SYN2: variants seen among roughly 807,000 people sequenced by gnomAD.
The protein encoded by SYN2 is synapsin-2.
A neutral mutation model predicts 50.9 loss-of-function variants in SYN2; 19 were observed. The observed-to-expected ratio is 0.37, with a 90% CI of 0.26 to 0.55. The LOEUF (loss-of-function observed/expected upper bound fraction) is 0.55. Ranked by LOEUF, SYN2 falls within the 20% of genes least tolerant of loss-of-function variation. SYN2 has a pLI of 0.81. For missense variants in SYN2, 587 were observed against 576.4 expected (o/e 1.02, Z -0.19); for synonymous variants, 255 against 224.9 (o/e 1.13, Z -1.20).
chr3:12,153,511 C>T, intron 5 of SYN2: 1 of 1,612,952 alleles, frequency 6.2e-7, no homozygotes, highest in Non-Finnish European at 8.5e-7. Context: ...GTCACTGGTC[C>T]CTACTAGGGC....
rs75599326 is a variant in SYN2, at chr3:12,190,546, C to G, written c.1670C>G (p.Ser557Cys). ...TTCTCTGAGTCCTCCTTCTTCCGGT[C>G]TTCAGCCAATGAGGATGAAGCCAAA... is the stretch of plus-strand genomic sequence containing the variant. Reference protein sequence around the residue: ...FSFSESSFFRSSANEDEAKAE... With the variant: ...FSFSESSFFRCSANEDEAKAE... Residue 557 changes from serine (S) to cysteine (C), a missense_variant, in exon 13 of 13, where the codon TCT (serine) becomes TGT (cysteine). Ser to Cys is a moderately radical substitution (Grantham distance 112). Coordinates refer to ENST00000621198, the MANE Select transcript of SYN2 (RefSeq NM_133625.6). 3.2e-5 allele frequency: 51 copies of G among 1,613,596 alleles called. No individual in the cohort carries two copies. The African/African-American group carries it at 6.7e-4, about 21-fold the overall frequency.
Position 12,161,526 on chromosome 3 carries a change from C to A in SYN2, c.775-20C>A. On this transcript the variant is annotated intron_variant, in intron 5 of 12. Transcript: ENST00000621198. The stretch of plus-strand genomic sequence containing the variant: ...GATGGGCACACTCTGACAGTTTATT[C>A]ATTTCTCTTCTGATTTCAGCTGACA... The A allele has an allele frequency of 6.2e-7, 1 of 1,613,796 alleles. No homozygotes were observed. The highest frequency in any genetic ancestry group is 8.5e-7 in the Non-Finnish European group (1 of 1,179,774).
intron 5 of SYN2, chr3:12,154,470 G>T (rs373444757): frequency 8.1e-5 from 130 of 1,613,574 alleles, no homozygotes; most frequent in Non-Finnish European, 1.1e-4. Flanking sequence ...GGAGATGGAG[G>T]AGAGTCAAGC....
At chr3:12,147,255 T>C (rs1697173710) in intron 4 of SYN2, among the ~76,000 whole-genome samples, 1 of 152,206 alleles carries the variant, frequency 6.6e-6, no homozygotes, top group Admixed American at 6.5e-5. Context: ...TCACTTCTGA[T>C]CTTGATCTTT....
At chr3:12,020,101 T>A (rs536841321) in intron 1 of SYN2, among the ~76,000 whole-genome samples, 1 of 152,350 alleles carries the variant, frequency 6.6e-6, no homozygotes, top group East Asian at 1.9e-4. Context: ...CTTATAATAC[T>A]TCTATGACTT....
chr3:12,154,390 C>T (rs1237440174), intron 5 of SYN2: 4 of 1,614,190 alleles, frequency 2.5e-6, no homozygotes, highest in African/African-American at 1.3e-5. Flanking sequence ...AGGACAGGTC[C>T]TCCCAGGGCT....
At chr3:12,018,384 C>T (rs1183646459) in intron 1 of SYN2, among the ~76,000 whole-genome samples, 9 of 152,146 alleles carry the variant, frequency 5.9e-5, no homozygotes, top group Admixed American at 2.0e-4. Context: ...GGATAAGCAG[C>T]GTGACTTTGG....
intron 1 of SYN2, among the ~76,000 whole-genome samples, chr3:12,033,255 C>G (rs539652014): frequency 1.3e-5 from 2 of 152,116 alleles, no homozygotes; most frequent in African/African-American, 4.8e-5. Context: ...TCTCCAGCTG[C>G]GTGCTGGGAG....
chr3:12,137,443 T>C (rs1478648103), intron 1 of SYN2, among the ~76,000 whole-genome samples: 1 of 152,214 alleles, frequency 6.6e-6, no homozygotes, highest in Non-Finnish European at 1.5e-5. Context: ...CTGTTCCTTG[T>C]ACCAGCACTT....
chr3:12,064,257 C>T (rs1163347444), intron 1 of SYN2, among the ~76,000 whole-genome samples: 1 of 151,994 alleles, frequency 6.6e-6, no homozygotes, highest in East Asian at 1.9e-4. Flanking sequence ...GTCTGAGAAA[C>T]TGTCAAGAGG....
chr3:12,107,442 T>G (rs1274546086), intron 1 of SYN2, among the ~76,000 whole-genome samples: 1 of 152,196 alleles, frequency 6.6e-6, no homozygotes, highest in African/African-American at 2.4e-5. Flanking sequence ...AAAAATAGAT[T>G]AGTAGATACT....
Position 12,187,454 on chromosome 3 carries a change from TTCCTCCTCTTCC to T in SYN2, c.1461_1472del (p.Ser493_Ser496del). 1 of 1,551,794 alleles carries T rather than the reference TTCCTCCTCTTCC, an allele frequency of 6.4e-7. No individual in the cohort carries two copies. Among genetic ancestry groups the T allele is most frequent in the Non-Finnish European group, 8.7e-7 (1 of 1,146,442 alleles). On this transcript the variant is annotated inframe_deletion, in exon 12 of 13. Coordinates refer to ENST00000621198, the MANE Select transcript of SYN2 (RefSeq NM_133625.6). Reference sequence around the variant, plus strand: ...TCCCCCCTGGACCATCACTGCCACCTTCCTCCTCTTCCTCCTCTTCTTCCTCCTCCTCGGCTC... The same window carrying T: ...TCCCCCCTGGACCATCACTGCCACCTTCCTCTTCTTCCTCCTCCTCGGCTC...
rs1402707937 is a variant in SYN2 at position 12,190,719 on chromosome 3, A to G, written c.*94A>G. The G allele has an allele frequency of 6.5e-7, 1 of 1,529,232 alleles. No homozygotes were observed. The highest frequency in any genetic ancestry group is 8.8e-7 in the Non-Finnish European group (1 of 1,141,606). 94.7% of individuals were successfully genotyped at this position (1,529,232 alleles called of 1,614,324 possible). A position where few individuals can be genotyped will look rare whatever the true frequency, so the allele number is the denominator to read the frequency against. ...GCCAGCTTGGTGGTTATGTCCCATG[A>G]CCTTGACGTGTGTGGTCCCTTCCTC... On this transcript the variant is annotated 3_prime_UTR_variant, in exon 13 of 13. Coordinates refer to ENST00000621198, the MANE Select transcript of SYN2 (RefSeq NM_133625.6).
chr3:12,115,759 C>G (rs1696419451), intron 1 of SYN2, among the ~76,000 whole-genome samples: 1 of 151,934 alleles, frequency 6.6e-6, no homozygotes, highest in African/African-American at 2.4e-5. Flanking sequence ...GTCTTGCTCC[C>G]CAGAATATAA....
chr3:12,038,693 A>G (rs1426467888), intron 1 of SYN2, among the ~76,000 whole-genome samples: 1 of 151,948 alleles, frequency 6.6e-6, no homozygotes, highest in Non-Finnish European at 1.5e-5. Context: ...TGGTCCCTTT[A>G]TTTCATTTTT....
chr3:12,169,587 G>A (rs1431489264), intron 9 of SYN2, among the ~76,000 whole-genome samples, 170 bp from the exon 10 acceptor site: 1 of 152,086 alleles, frequency 6.6e-6, no homozygotes, highest in Non-Finnish European at 1.5e-5. Flanking sequence ...TAGAAGGAAG[G>A]GACAAAGATC....
intron 5 of SYN2, chr3:12,158,624 A>T: frequency 6.4e-7 from 1 of 1,565,704 alleles, no homozygotes; most frequent in Non-Finnish European, 8.7e-7. Context: ...TTTCCTCTGG[A>T]CTCCTGGTGT....
intron 1 of SYN2, among the ~76,000 whole-genome samples, chr3:12,018,965 G>T (rs974309085): frequency 5.9e-5 from 9 of 152,132 alleles, no homozygotes; most frequent in African/African-American, 2.2e-4. Context: ...AAGTATCAGG[G>T]CTGTTGAGTC....
intron 1 of SYN2, among the ~76,000 whole-genome samples, chr3:12,118,049 T>C (rs1344388240): frequency 6.6e-6 from 1 of 152,226 alleles, no homozygotes; most frequent in Non-Finnish European, 1.5e-5. Flanking sequence ...GTGATGTTTG[T>C]GCAGTGCGAA....
Sources: allele counts gnomAD v4.1 joint callset (sites outside exome capture counted in the v4.1 genomes callset), GRCh38; gene constraint gnomAD v4.1.1; transcripts MANE v1.5; gene names NCBI Gene and HGNC (gene_info 2026-07-23, HGNC 2026-07-21).